The following CSMD3 variants were observed in gnomAD, a reference collection of about 807,000 sequenced individuals.
The protein encoded by CSMD3 is CUB and Sushi multiple domains 3.
In CSMD3, 177 loss-of-function variants were observed where a neutral mutation model predicts 435.2. The ratio of observed to expected loss-of-function variants is 0.41; its 90% CI spans 0.36 to 0.46. The LOEUF (loss-of-function observed/expected upper bound fraction) is 0.46. Among genes scored for constraint, CSMD3 ranks in the 20% least tolerant of loss-of-function variants. The probability of loss-of-function intolerance (pLI) is 0.34; values close to 1 mark genes in which losing one functional copy is unlikely to be tolerated. For synonymous variants in CSMD3, 1,656 were observed against 1,520.5 expected, an observed-to-expected ratio of 1.09 and a Z score of -2.07; for missense variants, 4,265 against 4,504.6, an observed-to-expected ratio of 0.95 and a Z score of 1.52.
intron 4 of CSMD3, among the ~76,000 whole-genome samples, chr8:113,131,756 A>G (rs2091289460): frequency 6.6e-6 from 1 of 152,142 alleles, no homozygotes; most frequent in Non-Finnish European, 1.5e-5. Context: ...CACCAACAGC[A>G]CCGTGCACCT....
chr8:112,481,772 T>A (rs535482246), intron 31 of CSMD3, among the ~76,000 whole-genome samples: 2 of 152,296 alleles, frequency 1.3e-5, no homozygotes, highest in South Asian at 4.1e-4. Flanking sequence ...TTCAGACAGC[T>A]ACTATTACCA....
At chr8:113,248,468 G>T (rs1195264720) in intron 3 of CSMD3, among the ~76,000 whole-genome samples, 54 of 324 alleles carry the variant, frequency 0.17, no homozygotes, top group African/African-American at 0.31. Flanking sequence ...GTGTGTGTGT[G>T]ATATATATGT....
chr8:112,507,982 G>A (rs1050720276), intron 28 of CSMD3, among the ~76,000 whole-genome samples: 1 of 151,970 alleles, frequency 6.6e-6, no homozygotes, highest in African/African-American at 2.4e-5. Context: ...AAAATGATTA[G>A]ACATAAACTG....
chr8:112,280,092 C>T (rs1289239205), intron 59 of CSMD3, among the ~76,000 whole-genome samples: 1 of 152,120 alleles, frequency 6.6e-6, no homozygotes, highest in Non-Finnish European at 1.5e-5. Flanking sequence ...ATCTCACCCA[C>T]ACAATACAAG....
intron 32 of CSMD3, among the ~76,000 whole-genome samples, chr8:112,427,196 T>C (rs1290320427): frequency 6.6e-6 from 1 of 152,192 alleles, no homozygotes; most frequent in Non-Finnish European, 1.5e-5. Context: ...TGTCTACAAC[T>C]AAACTCATCT....
At chr8:113,382,855 C>T (rs550834028) in intron 1 of CSMD3, among the ~76,000 whole-genome samples, 1 of 152,206 alleles carries the variant, frequency 6.6e-6, no homozygotes, top group African/African-American at 2.4e-5. Flanking sequence ...GTGGACCAGT[C>T]CTGTAATCCC....
intron 47 of CSMD3, among the ~76,000 whole-genome samples, chr8:112,316,217 A>G (rs1410402343): frequency 6.6e-6 from 1 of 151,750 alleles, no homozygotes; most frequent in African/African-American, 2.4e-5. Flanking sequence ...GCTGTTTTCT[A>G]CTTTTTTTGG....
chr8:112,679,495 C>G (rs557218194), intron 16 of CSMD3, among the ~76,000 whole-genome samples: 1 of 152,148 alleles, frequency 6.6e-6, no homozygotes. Flanking sequence ...CCATCAGAAA[C>G]TTCATAAGGG....
chr8:112,372,091 A>G lies in CSMD3; in HGVS notation c.6136+8261T>C, dbSNP rs139926710. Among the ~76,000 whole-genome samples the G allele has an allele frequency of 3.2e-4, 49 of 152,196 alleles. No individual in the cohort carries two copies. In the Middle Eastern group the frequency reaches 0.014, roughly 42 times the overall value. On this transcript the variant is annotated intron_variant, in intron 38 of 70. Coordinates refer to ENST00000297405, the MANE Select transcript of CSMD3 (RefSeq NM_198123.2). ...TGATGGGATAAAAAAGTTCACAAAT[A>G]AAAATAATCCATACACACACACATA...
intron 9 of CSMD3, among the ~76,000 whole-genome samples, chr8:112,923,520 C>T (rs2082812071): frequency 6.6e-6 from 1 of 152,064 alleles, no homozygotes; most frequent in African/African-American, 2.4e-5. Context: ...TCTGGAAAAC[C>T]ATTTCTTCAG....
At chr8:112,360,725 C>T (rs59864641) in intron 38 of CSMD3, among the ~76,000 whole-genome samples, 5,763 of 151,948 alleles carry the variant, frequency 0.038, 359 homozygotes, top group African/African-American at 0.13. Context: ...AGTACAGGAA[C>T]ATATTCCCTT....
intron 2 of CSMD3, among the ~76,000 whole-genome samples, chr8:113,286,961 G>T (rs1008314690): frequency 6.6e-6 from 1 of 151,560 alleles, no homozygotes; most frequent in Non-Finnish European, 1.5e-5. Flanking sequence ...GAAATAGGAA[G>T]AGGAGAGAGA....
intron 32 of CSMD3, among the ~76,000 whole-genome samples, chr8:112,452,167 T>C (rs1315317542): frequency 6.6e-6 from 1 of 152,202 alleles, no homozygotes; most frequent in African/African-American, 2.4e-5. Context: ...CTTAGCAAAC[T>C]ACAAAATTGA....
chr8:112,467,661 T>A (rs1563575309), intron 32 of CSMD3, among the ~76,000 whole-genome samples: 2 of 152,122 alleles, frequency 1.3e-5, no homozygotes, highest in Non-Finnish European at 2.9e-5. Flanking sequence ...CAAGATGATA[T>A]CATATTGGAG....
At chr8:112,350,609 A>C (rs1377040135) in intron 40 of CSMD3, among the ~76,000 whole-genome samples, 3 of 152,072 alleles carry the variant, frequency 2.0e-5, no homozygotes, top group Non-Finnish European at 4.4e-5. Context: ...AGTTGCACAC[A>C]AATACAAAAA....
chr8:112,948,969 G>C (rs1253405178), intron 8 of CSMD3, among the ~76,000 whole-genome samples: 1 of 152,006 alleles, frequency 6.6e-6, no homozygotes, highest in Admixed American at 6.6e-5. Flanking sequence ...GTGTGCAGCA[G>C]CACAATCATA....
At chr8:112,560,061 A>G (rs145279822) in intron 24 of CSMD3, among the ~76,000 whole-genome samples, 2 of 151,928 alleles carry the variant, frequency 1.3e-5, no homozygotes, top group East Asian at 3.9e-4. Flanking sequence ...AAAGCAAAAA[A>G]GTGTATATTA....
chr8:112,233,685 G>T (rs1169799840), intron 68 of CSMD3, among the ~76,000 whole-genome samples: 1 of 151,914 alleles, frequency 6.6e-6, no homozygotes, highest in Non-Finnish European at 1.5e-5. Flanking sequence ...ATGAAAAAAA[G>T]GCTTGGTACT....
At chr8:113,383,251 T>A (rs1449493577) in intron 1 of CSMD3, among the ~76,000 whole-genome samples, 1 of 152,076 alleles carries the variant, frequency 6.6e-6, no homozygotes, top group Non-Finnish European at 1.5e-5. Context: ...TGGGCAGGGA[T>A]GGGATCAGTT....
Sources: allele counts gnomAD v4.1 joint callset (sites outside exome capture counted in the v4.1 genomes callset), GRCh38; gene constraint gnomAD v4.1.1; transcripts MANE v1.5; gene names NCBI Gene and HGNC (gene_info 2026-07-23, HGNC 2026-07-21).